NUP35: variants seen among roughly 807,000 people sequenced by gnomAD.
NUP35 encodes the protein nucleoporin 35.
In NUP35, 25 loss-of-function variants were observed where a neutral mutation model predicts 41.5. That is an observed-to-expected ratio of 0.60 (90% CI 0.44 to 0.84). The LOEUF (loss-of-function observed/expected upper bound fraction) is 0.84, where lower values mean the gene tolerates loss of function less well. Among genes scored for constraint, NUP35 ranks in the 40% least tolerant of loss-of-function variants. The pLI is 0.00. For missense variants in NUP35, 396 were observed against 396.6 expected (o/e 1.00, Z 0.01); for synonymous variants, 149 against 130.7 (o/e 1.14, Z -0.96).
intron 4 of NUP35, among the ~76,000 whole-genome samples, chr2:183,142,704 T>G (rs1227961474): frequency 6.6e-6 from 1 of 151,870 alleles, no homozygotes; most frequent in African/African-American, 2.4e-5. Flanking sequence ...GGTCTTGAAC[T>G]CCTGACCTCA....
At chr2:183,148,171 G>A (rs996194291) in intron 4 of NUP35, among the ~76,000 whole-genome samples, 1 of 152,088 alleles carries the variant, frequency 6.6e-6, no homozygotes, top group African/African-American at 2.4e-5. Context: ...ATATTCCGTT[G>A]TATATATACA....
rs9333283 is a variant in NUP35 at position 183,130,414 on chromosome 2, G to A, written c.212-4G>A. 62 of 1,322,638 alleles carry A rather than the reference G, an allele frequency of 4.7e-5. No individual in the cohort carries two copies. In the East Asian group the frequency reaches 1.4e-3, roughly 31 times the overall value. The allele number at this position is 1,322,638 out of a possible 1,614,324, so 81.9% of individuals were successfully genotyped here. The stretch of plus-strand genomic sequence containing the variant: ...TTTTTTTTTTTTTTTTTTGTACACT[G>A]TAGGTGGGTCACCACCACAACCAGT... On this transcript the variant is annotated splice_region_variant and splice_polypyrimidine_tract_variant and intron_variant, in intron 2 of 8. Transcript: ENST00000295119.
intron 4 of NUP35, among the ~76,000 whole-genome samples, chr2:183,134,401 G>T (rs1684806793): frequency 6.6e-6 from 1 of 152,136 alleles, no homozygotes; most frequent in South Asian, 2.1e-4. Context: ...CAGCAAAGGG[G>T]GGGAGGGGGT....
intron 4 of NUP35, among the ~76,000 whole-genome samples, chr2:183,142,379 A>G (rs1330628095): frequency 6.8e-6 from 1 of 147,682 alleles, no homozygotes; most frequent in Non-Finnish European, 1.5e-5. Flanking sequence ...ATTTCTAATT[A>G]TTGTTTCCCT....
chr2:183,125,683 G>C lies in NUP35; in HGVS notation c.40+1186G>C, dbSNP rs114310461. Among the ~76,000 whole-genome samples, 362 of 148,424 alleles carry C rather than the reference G, an allele frequency of 2.4e-3. 3 individuals carry two copies. Among genetic ancestry groups the C allele is most frequent in the African/African-American group, 8.5e-3 (342 of 40,046 alleles). ...TTTTTCTATTCAACAAAAACATTTT[G>C]GAGTGCATATTTATTGGGGTTACAA... On this transcript the variant is annotated intron_variant, in intron 1 of 8. Coordinates refer to ENST00000295119, the MANE Select transcript of NUP35 (RefSeq NM_138285.5).
chr2:183,146,215 A>G (rs1245982834), intron 4 of NUP35, among the ~76,000 whole-genome samples: 1 of 152,116 alleles, frequency 6.6e-6, no homozygotes, highest in Admixed American at 6.6e-5. Context: ...CAGCCTGGGC[A>G]ATAGAGTGAG....
At chr2:183,158,069 C>T (rs982332215) in intron 6 of NUP35, among the ~76,000 whole-genome samples, 3 of 151,984 alleles carry the variant, frequency 2.0e-5, no homozygotes, top group Admixed American at 6.6e-5. Flanking sequence ...AAGTATCTTA[C>T]TTTCAGAGAA....
chr2:183,143,331 A>G (rs1314132147), intron 4 of NUP35, among the ~76,000 whole-genome samples: 1 of 151,862 alleles, frequency 6.6e-6, no homozygotes, highest in East Asian at 1.9e-4. Flanking sequence ...TATTTATCAA[A>G]TGAGGCACTA....
intron 1 of NUP35, among the ~76,000 whole-genome samples, chr2:183,126,320 A>T (rs2254867): frequency 6.6e-6 from 1 of 152,084 alleles, no homozygotes; most frequent in African/African-American, 2.4e-5. Flanking sequence ...TGCGCCTTCT[A>T]CTGTGTCTGT....
intron 5 of NUP35, among the ~76,000 whole-genome samples, chr2:183,157,163 A>G (rs1176269045): frequency 6.6e-6 from 1 of 152,186 alleles, no homozygotes; most frequent in African/African-American, 2.4e-5. Context: ...TTTTTCTAAG[A>G]CCTGGATAAT....
intron 3 of NUP35, 110 bp downstream of exon 3, chr2:183,130,655 C>A: frequency 8.8e-7 from 1 of 1,137,010 alleles, no homozygotes; most frequent in Non-Finnish European, 1.3e-6. Context: ...TTTAATGTAA[C>A]TGTGTTGCAC....
In NUP35 at chr2:183,161,648, A is replaced by G. The variant is rs560204710; in HGVS notation, c.*517A>G. The G allele has an allele frequency of 1.1e-4, 16 of 152,364 alleles. No individual in the cohort carries two copies. Among genetic ancestry groups the G allele is most frequent in the African/African-American group, 3.8e-4 (16 of 41,570 alleles). 9.4% of individuals were successfully genotyped at this position (152,364 alleles called of 1,614,324 possible). A position where few individuals can be genotyped will look rare whatever the true frequency, so the allele number is the denominator to read the frequency against. ...AAACGAGCATTCTTTTAAAAAACCT[A>G]AAGTTTCTTGATAATAAACATTGTC... On this transcript the variant is annotated 3_prime_UTR_variant, in exon 9 of 9. Transcript: ENST00000295119.
intron 5 of NUP35, among the ~76,000 whole-genome samples, chr2:183,153,847 C>T (rs893387955): frequency 3.9e-5 from 6 of 152,242 alleles, no homozygotes; most frequent in African/African-American, 1.4e-4. Flanking sequence ...CCCACAGTTC[C>T]CTTCCGCACT....
chr2:183,130,171 A>G (rs1454791061), intron 2 of NUP35, among the ~76,000 whole-genome samples: 2 of 152,182 alleles, frequency 1.3e-5, no homozygotes, highest in Non-Finnish European at 2.9e-5. Context: ...TTCAGAGTGC[A>G]GTCTATGGAT....
chr2:183,128,357 A>G lies in NUP35; in HGVS notation c.111A>G (p.Gly37=), dbSNP rs61743390. The G allele has an allele frequency of 1.8e-3, 2,892 of 1,614,080 alleles. 58 individuals carry two copies. In the African/African-American group the frequency reaches 0.035, roughly 20 times the overall value. The change falls in exon 2 of 9, where the codon GGA becomes GGG. Residue 37 remains glycine, a synonymous_variant. Coordinates refer to ENST00000295119, the MANE Select transcript of NUP35 (RefSeq NM_138285.5). ...KPGVNAQFLP[G]FLMGDLPAPV... ...GAGTTAATGCCCAGTTCTTACCTGG[A>G]TTTTTAATGGGGGATTTGCCAGCTC...
At chr2:183,155,792 G>A (rs1685643396) in intron 5 of NUP35, among the ~76,000 whole-genome samples, 1 of 151,980 alleles carries the variant, frequency 6.6e-6, no homozygotes, top group South Asian at 2.1e-4. Context: ...AGTAGTAGTG[G>A]TTTAACTTTT....
In NUP35 at chr2:183,128,286, G is replaced by A. The variant is rs1435196053; in HGVS notation, c.41-1G>A. On this transcript the variant is annotated splice_acceptor_variant, in intron 1 of 8. Coordinates refer to ENST00000295119, the MANE Select transcript of NUP35 (RefSeq NM_138285.5). LOFTEE classifies it high-confidence loss of function. ...CTTAATTTATTTTTTGATTCATGTA[G>A]GATCTGAACCAATGATGCTGGGTTC... The A allele has an allele frequency of 1.9e-6, 3 of 1,594,594 alleles. No individual in the cohort carries two copies. The highest frequency in any genetic ancestry group is 2.6e-6 in the Non-Finnish European group (3 of 1,168,508).
At chr2:183,125,833 C>T (rs1470018944) in intron 1 of NUP35, among the ~76,000 whole-genome samples, 1 of 152,174 alleles carries the variant, frequency 6.6e-6, no homozygotes, top group Non-Finnish European at 1.5e-5. Flanking sequence ...TAAGGGTTGA[C>T]TTCAACAAAC....
At chr2:183,130,776 A>G (rs1355937254) in intron 3 of NUP35, among the ~76,000 whole-genome samples, 1 of 152,240 alleles carries the variant, frequency 6.6e-6, no homozygotes, top group Non-Finnish European at 1.5e-5. Context: ...TCAGGTGTTT[A>G]TAGGTATGCC....
Sources: gnomAD v4.1 joint callset for allele counts (sites outside exome capture counted in the v4.1 genomes callset) on GRCh38, gnomAD v4.1.1 for gene constraint, MANE v1.5 for transcripts, NCBI Gene and HGNC (gene_info 2026-07-23, HGNC 2026-07-21) for gene names.